IGF2R: variants seen among roughly 807,000 people sequenced by gnomAD.
IGF2R encodes the protein insulin like growth factor 2 receptor.
Under a neutral mutation model 270.6 loss-of-function variants are expected in IGF2R, and 91 were observed. The observed-to-expected ratio is 0.34, with a 90% CI of 0.28 to 0.40. The LOEUF (loss-of-function observed/expected upper bound fraction) is 0.40. Among genes scored for constraint, IGF2R ranks in the 10% least tolerant of loss-of-function variants. IGF2R has a pLI of 1.00. For synonymous variants in IGF2R, 1,316 were observed against 1,258.9 expected, an observed-to-expected ratio of 1.05 and a Z score of -0.96; for missense variants, 2,805 against 3,188.3, an observed-to-expected ratio of 0.88 and a Z score of 2.90.
At chr6:160,024,543 A>G in intron 4 of IGF2R, 29 bp from the exon 5 acceptor site, 1 of 1,611,962 alleles carries the variant, frequency 6.2e-7, no homozygotes, top group Non-Finnish European at 8.5e-7. Flanking sequence ...TGTATACTGA[A>G]GACTCACTTT....
intron 1 of IGF2R, among the ~76,000 whole-genome samples, chr6:159,983,946 A>G (rs978912824): frequency 2.0e-5 from 3 of 152,208 alleles, no homozygotes; most frequent in East Asian, 1.9e-4. Context: ...GTGTTTGGCA[A>G]TTCACACTGT....
intron 2 of IGF2R, among the ~76,000 whole-genome samples, chr6:159,996,555 C>T (rs578171295): frequency 2.0e-5 from 3 of 152,248 alleles, no homozygotes; most frequent in African/African-American, 7.2e-5. Context: ...GTAGAAGGTG[C>T]CAAGGTGTCT....
chr6:160,043,974 G>T (rs1468850816), intron 12 of IGF2R, among the ~76,000 whole-genome samples: 3 of 152,164 alleles, frequency 2.0e-5, no homozygotes, highest in Admixed American at 1.3e-4. Flanking sequence ...TTACTAAGAA[G>T]GACTTTGGAA....
chr6:160,032,753 G>T, intron 8 of IGF2R, 40 bp downstream of exon 8: 1 of 1,601,970 alleles, frequency 6.2e-7, no homozygotes, highest in African/African-American at 1.3e-5. Context: ...TGCTTAGGAA[G>T]AAGGGGATCG....
At chr6:160,022,770 CAG>C (rs1027612484) in intron 4 of IGF2R, among the ~76,000 whole-genome samples, 12 of 152,062 alleles carry the variant, frequency 7.9e-5, no homozygotes, top group African/African-American at 1.2e-4. Flanking sequence ...GTATGGGAGA[CAG>C]AGAGAGGTAG....
At chr6:160,009,167 T>C in intron 3 of IGF2R, 33 bp downstream of exon 3, 6 of 1,210,362 alleles carry the variant, frequency 5.0e-6, no homozygotes, top group East Asian at 2.8e-5. Context: ...TGTATTTCTT[T>C]AAAAAAAAAA....
Position 160,071,912 on chromosome 6 carries a change from C to T in IGF2R, c.4446C>T (p.Asn1482=), listed in dbSNP as rs1257759539. ...GACCTGTCTGTGCTTTGTTGTAGAA[C>T]TCCAGGCCCATGTTCATCAGCGCCG... ...IRFTCSESQV[N]SRPMFISAVE... Residue 1482 remains asparagine, a splice_region_variant and synonymous_variant, in exon 32 of 48, where the codon AAC becomes AAT. Coordinates refer to ENST00000356956, the MANE Select transcript of IGF2R (RefSeq NM_000876.4). 3 of 1,614,030 alleles carry T rather than the reference C, an allele frequency of 1.9e-6. No individual in the cohort carries two copies. In the African/African-American group the frequency reaches 4.0e-5, roughly 22 times the overall value.
chr6:160,092,917 A>C (rs1779260626), intron 44 of IGF2R, among the ~76,000 whole-genome samples: 1 of 152,234 alleles, frequency 6.6e-6, no homozygotes, highest in Non-Finnish European at 1.5e-5. Flanking sequence ...AGGAGTCCAC[A>C]CAAGGGTTCC....
In IGF2R at chr6:159,980,217, AAG is replaced by A. The variant is rs1491551736; in HGVS notation, c.149+10824_149+10825del. ...AAAGAAAGAAAGAAAGAAAGAAAGA[AAG>A]AAAGAAAGAAAGAAAGAAAGGTACA... is the stretch of plus-strand genomic sequence containing the variant. On this transcript the variant is annotated intron_variant, in intron 1 of 47. Coordinates refer to ENST00000356956, the MANE Select transcript of IGF2R (RefSeq NM_000876.4). Among the ~76,000 whole-genome samples the A allele has an allele frequency of 1.1e-3, 97 of 89,958 alleles. 8 individuals carry two copies. The highest frequency in any genetic ancestry group is 1.2e-3 in the Non-Finnish European group (49 of 41,142). The allele number at this position is 89,958 out of a possible 152,430, so 59.0% of individuals were successfully genotyped here. A position where few individuals can be genotyped will look rare whatever the true frequency, so the allele number is the denominator to read the frequency against.
chr6:160,000,412 G>A (rs1336794508), intron 2 of IGF2R, among the ~76,000 whole-genome samples: 1 of 152,124 alleles, frequency 6.6e-6, no homozygotes, highest in African/African-American at 2.4e-5. Flanking sequence ...GACAGCACTT[G>A]GGGATGGTGC....
Position 160,061,760 on chromosome 6 carries a change from A to C in IGF2R, c.3414A>C (p.Ala1138=). 1 of 1,614,164 alleles carries C rather than the reference A, an allele frequency of 6.2e-7. No homozygotes were observed. Among genetic ancestry groups the C allele is most frequent in the East Asian group, 2.2e-5 (1 of 44,876 alleles). Residue 1138 remains alanine, a synonymous_variant, in exon 25 of 48, where the codon GCA becomes GCC. Transcript: ENST00000356956. Reference sequence around the variant, plus strand: ...CTTATTCTGTTCTTCCAGGCAGCGCAGTGGGGTCTTGCTTAGTGTCAGAAG... The same window carrying C: ...CTTATTCTGTTCTTCCAGGCAGCGCCGTGGGGTCTTGCTTAGTGTCAGAAG... The part of the protein sequence containing the change: ...LPYIPGCQGS[A]VGSCLVSEGN...
rs754564776 is a variant in IGF2R, at chr6:160,089,200, C to T, written c.6414C>T (p.Thr2138=). ...AGGAGGTGCAGATGGTGAATGGGACCATCACCAACCCTATAAATGGCAAGA... is the reference window on the plus strand; with the variant it reads ...AGGAGGTGCAGATGGTGAATGGGACTATCACCAACCCTATAAATGGCAAGA... ...KPQEVQMVNG[T]ITNPINGKSF... Residue 2138 remains threonine, a synonymous_variant, in exon 43 of 48, where the codon ACC becomes ACT. Coordinates refer to ENST00000356956, the MANE Select transcript of IGF2R (RefSeq NM_000876.4). The T allele has an allele frequency of 1.2e-6, 2 of 1,613,280 alleles. No homozygotes were observed.
chr6:160,016,760 C>A (rs1334904165), intron 4 of IGF2R, among the ~76,000 whole-genome samples: 1 of 152,256 alleles, frequency 6.6e-6, no homozygotes, highest in Non-Finnish European at 1.5e-5. Flanking sequence ...CAAAGCCTAT[C>A]TATAACCAAG....
chr6:160,102,205 G>A lies in IGF2R; in HGVS notation c.6843-314G>A, dbSNP rs1349973256. ...CCCCAGCCTAGTCCTGCCGTGGATT[G>A]GGCCACCTAGAGGGGGCCGCGTCCC... On this transcript the variant is annotated intron_variant, in intron 45 of 47. Coordinates refer to ENST00000356956, the MANE Select transcript of IGF2R (RefSeq NM_000876.4). The surrounding 1 kb of genome is among the most constrained non-coding windows in gnomAD (Gnocchi z 4.5). 6.6e-6 allele frequency among the ~76,000 whole-genome samples: 1 copy of A among 152,194 alleles called. No homozygotes were observed. The highest frequency in any genetic ancestry group is 1.5e-5 in the Non-Finnish European group (1 of 68,036).
chr6:160,064,331 A>T, intron 27 of IGF2R, 70 bp from the exon 28 acceptor site: 1 of 1,574,548 alleles, frequency 6.4e-7, no homozygotes, highest in African/African-American at 1.3e-5. Flanking sequence ...GTGGTGTCAC[A>T]TGTCTTAGGC....
Position 160,104,816 on chromosome 6 carries a change from ATG to A in IGF2R, c.7209_7210del (p.His2403GlnfsTer3). 1 of 1,614,208 alleles carries A rather than the reference ATG, an allele frequency of 6.2e-7. No homozygotes were observed. Among genetic ancestry groups the A allele is most frequent in the Non-Finnish European group, 8.5e-7 (1 of 1,180,034 alleles). ...TCAGTGAAAGCCCTCAGCTCCCTGC[ATG>A]GGGATGACCAGGACAGTGAGGATGA... On this transcript the variant is annotated frameshift_variant, in exon 48 of 48. Transcript: ENST00000356956. LOFTEE classifies it low-confidence loss of function (END_TRUNC).
chr6:160,060,512 C>T, intron 22 of IGF2R, 35 bp from the exon 23 acceptor site: 1 of 1,608,934 alleles, frequency 6.2e-7, no homozygotes, highest in Non-Finnish European at 8.5e-7. Context: ...GAATACTGTT[C>T]TGTCTCTTAA....
In IGF2R at chr6:160,108,817, G is replaced by T. The variant is rs557083644; in HGVS notation, c.*3733G>T. ...CCTGCCTCAGCCTCCCTAGTAGCTGGGATTAAAGGCACGCACTGCCACGCC... is the reference window on the plus strand; with the variant it reads ...CCTGCCTCAGCCTCCCTAGTAGCTGTGATTAAAGGCACGCACTGCCACGCC... On this transcript the variant is annotated 3_prime_UTR_variant, in exon 48 of 48. Coordinates refer to ENST00000356956, the MANE Select transcript of IGF2R (RefSeq NM_000876.4). 6.6e-6 allele frequency: 1 copy of T among 152,272 alleles called. No homozygotes were observed. Among genetic ancestry groups the T allele is most frequent in the South Asian group, 2.1e-4 (1 of 4,820 alleles). 9.4% of individuals were successfully genotyped at this position (152,272 alleles called of 1,614,324 possible).
chr6:160,074,091 G>A, intron 35 of IGF2R, 116 bp downstream of exon 35: 2 of 716,030 alleles, frequency 2.8e-6, no homozygotes, highest in East Asian at 2.7e-5. Flanking sequence ...AATGGAGAAA[G>A]TAAGTGGGAC....
Sources: gnomAD v4.1 joint callset for allele counts (sites outside exome capture counted in the v4.1 genomes callset) on GRCh38, gnomAD v4.1.1 for gene constraint, Gnocchi (gnomAD v3.1) non-coding constraint, MANE v1.5 for transcripts, NCBI Gene and HGNC (gene_info 2026-07-23, HGNC 2026-07-21) for gene names.